Variants in AGPAT5 observed in about 807,000 individuals in gnomAD.
AGPAT5 encodes 1-acyl-sn-glycerol-3-phosphate acyltransferase epsilon.
In AGPAT5, 46 loss-of-function variants were observed where a neutral mutation model predicts 45.6. The observed-to-expected ratio is 1.01, with a 90% CI of 0.80 to 1.29. The LOEUF is 1.29. AGPAT5 is among the 50% of genes most tolerant of loss of function. AGPAT5 has a pLI of 0.00. For missense variants in AGPAT5, 673 were observed against 450.7 expected, an observed-to-expected ratio of 1.49 and a Z score of -4.47; for synonymous variants, 272 against 167.0, an observed-to-expected ratio of 1.63 and a Z score of -4.85.
At chr8:6,727,273 T>C (rs557272196) in intron 2 of AGPAT5, among the ~76,000 whole-genome samples, 1 of 152,312 alleles carries the variant, frequency 6.6e-6, no homozygotes, top group South Asian at 2.1e-4. Flanking sequence ...CACATCCTTG[T>C]CTCTACATTC....
chr8:6,733,083 C>A (rs191277971), intron 4 of AGPAT5, among the ~76,000 whole-genome samples: 2 of 152,188 alleles, frequency 1.3e-5, no homozygotes, highest in African/African-American at 2.4e-5. Flanking sequence ...AAGGATGAAT[C>A]TCTACAAATG....
chr8:6,719,380 T>G (rs1380033536), intron 1 of AGPAT5, among the ~76,000 whole-genome samples: 1 of 152,188 alleles, frequency 6.6e-6, no homozygotes, highest in Non-Finnish European at 1.5e-5. Flanking sequence ...AATTAATAGT[T>G]TGGGAAGTAG....
chr8:6,738,966 C>G (rs973121349), intron 4 of AGPAT5, among the ~76,000 whole-genome samples: 3 of 151,698 alleles, frequency 2.0e-5, no homozygotes, highest in East Asian at 3.9e-4. Flanking sequence ...ACATTTAGTT[C>G]TAGGATTTAT....
chr8:6,709,342 G>T (rs1309744601), intron 1 of AGPAT5: 1 of 174,114 alleles, frequency 5.7e-6, no homozygotes, highest in Non-Finnish European at 1.2e-5. Flanking sequence ...CTGGACAAGT[G>T]AAAGCTGGGC....
intron 4 of AGPAT5, among the ~76,000 whole-genome samples, chr8:6,738,154 A>G (rs867396674): frequency 1.3e-5 from 2 of 152,190 alleles, no homozygotes; most frequent in African/African-American, 4.8e-5. Flanking sequence ...AGTGGAAAGG[A>G]CCTAGCTTTT....
At chr8:6,727,111 A>T (rs2116886516) in intron 2 of AGPAT5, among the ~76,000 whole-genome samples, 1 of 152,296 alleles carries the variant, frequency 6.6e-6, no homozygotes, top group Non-Finnish European at 1.5e-5. Flanking sequence ...TGAAAATGTA[A>T]TTAGCGGAAA....
chr8:6,751,008 C>T (rs148497085), intron 6 of AGPAT5, among the ~76,000 whole-genome samples: 2 of 152,122 alleles, frequency 1.3e-5, no homozygotes, highest in African/African-American at 4.8e-5. Flanking sequence ...TGCTTTTAAC[C>T]TGTAGCTTGA....
At chr8:6,754,078 C>T (rs984878672) in intron 6 of AGPAT5, among the ~76,000 whole-genome samples, 1 of 152,186 alleles carries the variant, frequency 6.6e-6, no homozygotes, top group African/African-American at 2.4e-5. Flanking sequence ...GGCATACCTC[C>T]CTACCTTAGT....
intron 2 of AGPAT5, among the ~76,000 whole-genome samples, chr8:6,726,214 C>G (rs1490027725): frequency 6.6e-6 from 1 of 152,210 alleles, no homozygotes; most frequent in Non-Finnish European, 1.5e-5. Flanking sequence ...ACTTCTAATA[C>G]CATTCTGCTT....
rs1172714814 is a variant in AGPAT5 at position 6,758,909 on chromosome 8, A to G, written c.*1521A>G. ...CATTAAACATACCAGTTGGATCATG[A>G]TAAGCAAAATGAAAGAAATAATGAT... On this transcript the variant is annotated 3_prime_UTR_variant, in exon 8 of 8. Coordinates refer to ENST00000285518, the MANE Select transcript of AGPAT5 (RefSeq NM_018361.5). 6.5e-6 allele frequency: 1 copy of G among 152,678 alleles called. No homozygotes were observed. Among genetic ancestry groups the G allele is most frequent in the Non-Finnish European group, 1.5e-5 (1 of 68,046 alleles). The allele number at this position is 152,678 out of a possible 1,614,324, so 9.5% of individuals were successfully genotyped here.
At chr8:6,748,506 T>G (rs1228548250) in intron 6 of AGPAT5, among the ~76,000 whole-genome samples, 3 of 152,172 alleles carry the variant, frequency 2.0e-5, no homozygotes, top group South Asian at 4.1e-4. Context: ...TTTTTTTGTT[T>G]TTCGTTTTTT....
At chr8:6,729,850 T>C (rs1402065614) in intron 2 of AGPAT5, among the ~76,000 whole-genome samples, 1 of 152,248 alleles carries the variant, frequency 6.6e-6, no homozygotes, top group Non-Finnish European at 1.5e-5. Context: ...TTAACTATAG[T>C]TATTAGCAGT....
At chr8:6,718,412 A>G (rs570234925) in intron 1 of AGPAT5, among the ~76,000 whole-genome samples, 2 of 152,246 alleles carry the variant, frequency 1.3e-5, no homozygotes, top group East Asian at 1.9e-4. Flanking sequence ...CACATTTCCA[A>G]TTTCCTGCTG....
At chr8:6,708,937 G>T in intron 1 of AGPAT5, 50 bp downstream of exon 1, 1 of 1,537,426 alleles carries the variant, frequency 6.5e-7, no homozygotes, top group Non-Finnish European at 8.8e-7. Flanking sequence ...AGCTCCCGGG[G>T]GCGCGGACCT....
intron 1 of AGPAT5, among the ~76,000 whole-genome samples, chr8:6,712,934 A>G (rs1009448935): frequency 6.6e-6 from 1 of 152,156 alleles, no homozygotes; most frequent in African/African-American, 2.4e-5. Flanking sequence ...CCTATGCAAT[A>G]CACTGAAAAC....
chr8:6,749,948 C>T (rs1801605414), intron 6 of AGPAT5, among the ~76,000 whole-genome samples: 1 of 152,224 alleles, frequency 6.6e-6, no homozygotes, highest in African/African-American at 2.4e-5. Context: ...CCTTCGCTTC[C>T]TCCTGTGCTG....
chr8:6,736,804 T>G (rs981510580), intron 4 of AGPAT5, among the ~76,000 whole-genome samples: 3 of 152,258 alleles, frequency 2.0e-5, no homozygotes, highest in Non-Finnish European at 4.4e-5. Context: ...TCATTTACTT[T>G]CACCCTGAGA....
intron 6 of AGPAT5, among the ~76,000 whole-genome samples, chr8:6,751,867 C>T (rs995786153): frequency 6.6e-6 from 1 of 152,068 alleles, no homozygotes; most frequent in Non-Finnish European, 1.5e-5. Context: ...CTTTCCATTT[C>T]TATTAATATT....
intron 2 of AGPAT5, among the ~76,000 whole-genome samples, chr8:6,726,124 C>T (rs368545043): frequency 2.6e-5 from 4 of 152,202 alleles, no homozygotes; most frequent in African/African-American, 9.7e-5. Context: ...ACATTTCACT[C>T]TTGGCAAAAA....
Sources: gnomAD v4.1 joint callset for allele counts (sites outside exome capture counted in the v4.1 genomes callset) on GRCh38, gnomAD v4.1.1 for gene constraint, MANE v1.5 for transcripts, NCBI Gene and HGNC (gene_info 2026-07-23, HGNC 2026-07-21) for gene names.